The following BBX variants were observed in gnomAD, a reference collection of about 807,000 sequenced individuals.
The protein encoded by BBX is BBX high mobility group box domain containing, also known as HMG box transcription factor BBX.
In BBX, 30 loss-of-function variants were observed where a neutral mutation model predicts 100.2. The observed-to-expected ratio is 0.30, with a 90% CI of 0.22 to 0.41. The LOEUF (loss-of-function observed/expected upper bound fraction) is 0.41, where lower values mean the gene tolerates loss of function less well. BBX is among the 10% of genes least tolerant of loss of function. The pLI, the probability that BBX is intolerant of heterozygous loss-of-function variation, is 1.00. For synonymous variants in BBX, 376 were observed against 388.1 expected (o/e 0.97, Z 0.37); for missense variants, 1,023 against 1,129.8 (o/e 0.91, Z 1.35).
At chr3:107,653,008 C>T (rs555216643) in intron 3 of BBX, among the ~76,000 whole-genome samples, 5 of 152,108 alleles carry the variant, frequency 3.3e-5, no homozygotes, top group African/African-American at 4.8e-5. Context: ...GCTCAGTAAA[C>T]GTGATGAATT....
intron 2 of BBX, among the ~76,000 whole-genome samples, chr3:107,593,401 A>G (rs886228509): frequency 3.9e-5 from 6 of 152,190 alleles, no homozygotes; most frequent in Admixed American, 6.5e-5. Flanking sequence ...ATCCTAATCA[A>G]TTTTGGTGAT....
chr3:107,662,345 C>T (rs772225792), intron 3 of BBX, among the ~76,000 whole-genome samples: 53 of 152,084 alleles, frequency 3.5e-4, no homozygotes, highest in South Asian at 8.3e-4. Flanking sequence ...GAATCCCTGA[C>T]GGTGGCGGGT....
intron 10 of BBX, among the ~76,000 whole-genome samples, chr3:107,759,847 A>T (rs2065758366): frequency 6.6e-6 from 1 of 152,232 alleles, no homozygotes; most frequent in African/African-American, 2.4e-5. Context: ...AAGCCTAAAA[A>T]GATTGCTGTT....
At chr3:107,621,159 CT>C (rs1205915786) in intron 2 of BBX, among the ~76,000 whole-genome samples, 2 of 152,128 alleles carry the variant, frequency 1.3e-5, no homozygotes, top group Admixed American at 6.5e-5. Context: ...TTCTGTCTTG[CT>C]ATACTGCTCC....
At chr3:107,589,706 C>T (rs2053153457) in intron 2 of BBX, among the ~76,000 whole-genome samples, 1 of 152,112 alleles carries the variant, frequency 6.6e-6, no homozygotes, top group Admixed American at 6.5e-5. Flanking sequence ...GGGAAGATAC[C>T]AAAGAAGGCA....
At chr3:107,742,453 T>C (rs1249022746) in intron 7 of BBX, among the ~76,000 whole-genome samples, 1 of 152,182 alleles carries the variant, frequency 6.6e-6, no homozygotes, top group African/African-American at 2.4e-5. Flanking sequence ...AATTTTGTGC[T>C]GTTTCCACTA....
At chr3:107,555,387 C>T (rs1020695430) in intron 2 of BBX, among the ~76,000 whole-genome samples, 2 of 152,126 alleles carry the variant, frequency 1.3e-5, no homozygotes, top group Admixed American at 6.5e-5. Flanking sequence ...AGGTAATATG[C>T]AAAGGGCTAA....
At chr3:107,732,376 G>C (rs1319564701) in intron 6 of BBX, among the ~76,000 whole-genome samples, 2 of 152,214 alleles carry the variant, frequency 1.3e-5, no homozygotes, top group Admixed American at 1.3e-4. Context: ...GCATGTGTTT[G>C]ACACATGCCC....
intron 3 of BBX, among the ~76,000 whole-genome samples, chr3:107,697,725 C>T (rs942241943): frequency 6.6e-6 from 1 of 151,768 alleles, no homozygotes; most frequent in African/African-American, 2.4e-5. Flanking sequence ...TGGGCTCCAC[C>T]CAGTTCGAGC....
intron 2 of BBX, among the ~76,000 whole-genome samples, chr3:107,593,772 C>T (rs72941331): frequency 0.053 from 8,087 of 152,158 alleles, 693 homozygotes; most frequent in African/African-American, 0.18. Flanking sequence ...CAAAACAAAA[C>T]GAAACAAACA....
intron 5 of BBX, among the ~76,000 whole-genome samples, chr3:107,717,836 G>A (rs191243723): frequency 9.2e-5 from 14 of 152,114 alleles, no homozygotes; most frequent in African/African-American, 3.4e-4. Flanking sequence ...AAACTTGAAA[G>A]GAATAATTCT....
chr3:107,716,443 A>G (rs1300390546), intron 4 of BBX, 164 bp from the exon 5 acceptor site: 26 of 816,446 alleles, frequency 3.2e-5, no homozygotes, highest in South Asian at 1.1e-4. Flanking sequence ...TTAGTTACCA[A>G]CCATGAACAG....
chr3:107,713,559 A>G (rs1455315036), intron 4 of BBX, among the ~76,000 whole-genome samples: 1 of 152,160 alleles, frequency 6.6e-6, no homozygotes, highest in African/African-American at 2.4e-5. Context: ...TCATGTATTT[A>G]TGTATTTACT....
At chr3:107,788,558 G>A (rs546951170) in intron 13 of BBX, among the ~76,000 whole-genome samples, 2 of 152,084 alleles carry the variant, frequency 1.3e-5, no homozygotes, top group East Asian at 3.9e-4. Context: ...CAAGGTGGGC[G>A]GATTGCTTGA....
chr3:107,560,874 A>G lies in BBX; in HGVS notation c.-84+34476A>G, dbSNP rs968347568. Among the ~76,000 whole-genome samples the G allele has an allele frequency of 7.2e-5, 11 of 152,346 alleles. No individual in the cohort carries two copies. The East Asian group carries it at 1.9e-3, about 27-fold the overall frequency. On this transcript the variant is annotated intron_variant, in intron 2 of 17. Coordinates refer to ENST00000325805, the MANE Select transcript of BBX (RefSeq NM_001142568.3). Reference sequence around the variant, plus strand: ...AATGAGGAAGTCTAAAAGTGTAACAATCTAATTAAGAAGGAAGACCAAATT... The same window carrying G: ...AATGAGGAAGTCTAAAAGTGTAACAGTCTAATTAAGAAGGAAGACCAAATT...
At chr3:107,669,745 C>T (rs188920919) in intron 3 of BBX, among the ~76,000 whole-genome samples, 22 of 152,232 alleles carry the variant, frequency 1.4e-4, no homozygotes, top group Admixed American at 3.3e-4. Flanking sequence ...ATGAGGTACT[C>T]TAAAAGGGAT....
At chr3:107,611,038 G>C (rs1318206132) in intron 2 of BBX, among the ~76,000 whole-genome samples, 2 of 151,822 alleles carry the variant, frequency 1.3e-5, no homozygotes, top group African/African-American at 2.4e-5. Context: ...TTTTAGATTT[G>C]AGGTTACCAT....
At chr3:107,769,241 G>GGATA (rs1553814745) in intron 10 of BBX, among the ~76,000 whole-genome samples, 1 of 139,026 alleles carries the variant, frequency 7.2e-6, no homozygotes, top group Non-Finnish European at 1.5e-5. Context: ...CAGATAGATA[G>GGATA]GATAGATAGA....
intron 3 of BBX, among the ~76,000 whole-genome samples, chr3:107,653,098 A>G (rs2057939200): frequency 6.6e-6 from 1 of 152,140 alleles, no homozygotes; most frequent in Non-Finnish European, 1.5e-5. Flanking sequence ...TCTACATGGA[A>G]ATTTTTCCCA....
Sources: gnomAD v4.1 joint callset for allele counts (sites outside exome capture counted in the v4.1 genomes callset) on GRCh38, gnomAD v4.1.1 for gene constraint, MANE v1.5 for transcripts, NCBI Gene and HGNC (gene_info 2026-07-23, HGNC 2026-07-21) for gene names.